The following CCDC88C variants were observed in gnomAD, a reference collection of about 807,000 sequenced individuals.
CCDC88C encodes the protein coiled-coil and HOOK domain protein 88C.
In CCDC88C, 131 loss-of-function variants were observed where a neutral mutation model predicts 198.8. The ratio of observed to expected loss-of-function variants is 0.66; its 90% CI spans 0.57 to 0.76. CCDC88C has a LOEUF of 0.76. CCDC88C is among the 30% of genes least tolerant of loss of function. The pLI, the probability that CCDC88C is intolerant of heterozygous loss-of-function variation, is 0.00. For missense variants in CCDC88C, 2,553 were observed against 2,631.6 expected (o/e 0.97, Z 0.65); for synonymous variants, 1,166 against 1,114.7 (o/e 1.05, Z -0.92).
intron 3 of CCDC88C, among the ~76,000 whole-genome samples, chr14:91,367,339 G>A (rs76767638): frequency 0.051 from 7,826 of 152,250 alleles, 670 homozygotes; most frequent in African/African-American, 0.18. Flanking sequence ...AGCAAAGAGA[G>A]CCTTCCACAC....
intron 10 of CCDC88C, among the ~76,000 whole-genome samples, chr14:91,328,743 C>A (rs1330036158): frequency 3.3e-5 from 5 of 152,190 alleles, no homozygotes; most frequent in Non-Finnish European, 7.3e-5. Context: ...TCGGATGATG[C>A]GTGTGAAATA....
At chr14:91,356,828 G>T (rs1006586598) in intron 4 of CCDC88C, among the ~76,000 whole-genome samples, 2 of 152,154 alleles carry the variant, frequency 1.3e-5, no homozygotes, top group South Asian at 2.1e-4. Context: ...TAGTGGGGCA[G>T]AGAGGGCAGG....
In CCDC88C at chr14:91,335,895, G is replaced by A. The variant is rs760355433; in HGVS notation, c.1050+2110C>T. Among the ~76,000 whole-genome samples the A allele has an allele frequency of 7.2e-5, 11 of 152,140 alleles. No homozygotes were observed. The East Asian group carries it at 1.5e-3, about 21-fold the overall frequency. On this transcript the variant is annotated intron_variant, in intron 10 of 29. Coordinates refer to ENST00000389857, the MANE Select transcript of CCDC88C (RefSeq NM_001080414.4). ...CTAATTCCTGACACTATGGGCATCC[G>A]AAGGGAGTACAGCTCACTCCTCTCA...
intron 23 of CCDC88C, among the ~76,000 whole-genome samples, chr14:91,293,772 C>T (rs894062164): frequency 9.2e-5 from 14 of 152,130 alleles, no homozygotes; most frequent in Admixed American, 3.9e-4. Flanking sequence ...TGGTTCTGTG[C>T]ACCTCACAGG....
Position 91,272,567 on chromosome 14 carries a change from G to GT in CCDC88C, c.*57dup. 6.5e-7 allele frequency: 1 copy of GT among 1,527,954 alleles called. No homozygotes were observed. The highest frequency in any genetic ancestry group is 8.8e-7 in the Non-Finnish European group (1 of 1,131,298). 94.6% of individuals were successfully genotyped at this position (1,527,954 alleles called of 1,614,324 possible). The stretch of plus-strand genomic sequence containing the variant: ...CCGCAGGCAAGCAAGAGAAAAGGCC[G>GT]TGAGAGTCGGAAGGCGCGTCAGTAG... On this transcript the variant is annotated 3_prime_UTR_variant, in exon 30 of 30. Coordinates refer to ENST00000389857, the MANE Select transcript of CCDC88C (RefSeq NM_001080414.4).
intron 3 of CCDC88C, chr14:91,384,538 T>C (rs1201249380): frequency 2.0e-6 from 1 of 505,806 alleles, no homozygotes; most frequent in Non-Finnish European, 4.0e-6. Context: ...TTCATCATAA[T>C]CATCACCCCA....
At chr14:91,283,155 G>C (rs1890267517) in intron 26 of CCDC88C, among the ~76,000 whole-genome samples, 174 bp downstream of exon 26, 2 of 152,154 alleles carry the variant, frequency 1.3e-5, no homozygotes, top group South Asian at 2.1e-4. Flanking sequence ...CAAAGTCCTT[G>C]GCTGGTAAGC....
At position 91,402,127 on chromosome 14, in the gene CCDC88C, G is replaced by A. The variant is rs568106450; in HGVS notation, c.270+6532C>T. ...TTGCTTCTACTAAAAATAAAAAAAA[G>A]TAGCCAGACGTGGTGGCGCACACCT... On this transcript the variant is annotated intron_variant, in intron 3 of 29. Transcript: ENST00000389857. Among the ~76,000 whole-genome samples the A allele has an allele frequency of 1.4e-4, 21 of 152,078 alleles. No homozygotes were observed. The East Asian group carries it at 3.5e-3, about 25-fold the overall frequency.
chr14:91,370,443 TC>T (rs1257940990), intron 3 of CCDC88C, among the ~76,000 whole-genome samples: 2 of 152,112 alleles, frequency 1.3e-5, no homozygotes, highest in Non-Finnish European at 2.9e-5. Flanking sequence ...CCTGCCACCT[TC>T]CCTTTAGGGC....
At position 91,338,798 on chromosome 14, in the gene CCDC88C, G is replaced by C. The variant is rs1309192887; in HGVS notation, c.810-228C>G. Reference sequence around the variant, plus strand: ...TTAAACTATGTCCATCCGCCACTCAGGTCTCCCTCCCTGTGTGTGGGGCAG... The same window carrying C: ...TTAAACTATGTCCATCCGCCACTCACGTCTCCCTCCCTGTGTGTGGGGCAG... On this transcript the variant is annotated intron_variant, in intron 8 of 29. Coordinates refer to ENST00000389857, the MANE Select transcript of CCDC88C (RefSeq NM_001080414.4). The surrounding 1 kb of genome is among the most constrained non-coding windows in gnomAD (Gnocchi z 4.8). The C allele has an allele frequency of 3.7e-6, 2 of 546,590 alleles. No homozygotes were observed. Among genetic ancestry groups the C allele is most frequent in the Non-Finnish European group, 6.6e-6 (2 of 303,482 alleles). The allele number at this position is 546,590 out of a possible 1,614,324, so 33.9% of individuals were successfully genotyped here. A position where few individuals can be genotyped will look rare whatever the true frequency, so the allele number is the denominator to read the frequency against.
intron 4 of CCDC88C, among the ~76,000 whole-genome samples, chr14:91,356,957 C>T (rs1894060069): frequency 1.3e-5 from 2 of 152,068 alleles, no homozygotes; most frequent in East Asian, 1.9e-4. Context: ...TGAGAAAAGG[C>T]GGGGAGAAGG....
At chr14:91,378,436 C>T (rs1301251754) in intron 3 of CCDC88C, among the ~76,000 whole-genome samples, 3 of 152,158 alleles carry the variant, frequency 2.0e-5, no homozygotes, top group South Asian at 2.1e-4. Flanking sequence ...GTCCTTGGCT[C>T]GGGACACTCA....
In CCDC88C at chr14:91,326,523, CT is replaced by C. The variant is rs1466534529; in HGVS notation, c.1051-468del. Among the ~76,000 whole-genome samples the C allele has an allele frequency of 7.9e-5, 12 of 152,140 alleles. No homozygotes were observed. The East Asian group carries it at 2.3e-3, about 29-fold the overall frequency. ...CCACTGTGCCCAGCCCATCTTCACC[CT>C]TTTTAATCGGGCAAGGACAATGGAC... On this transcript the variant is annotated intron_variant, in intron 10 of 29. Coordinates refer to ENST00000389857, the MANE Select transcript of CCDC88C (RefSeq NM_001080414.4).
chr14:91,386,982 C>T (rs1885187857), intron 3 of CCDC88C, among the ~76,000 whole-genome samples: 1 of 152,198 alleles, frequency 6.6e-6, no homozygotes, highest in African/African-American at 2.4e-5. Flanking sequence ...CAGCACCATT[C>T]TAAGTATTTT....
chr14:91,281,714 T>A (rs1273457563), intron 26 of CCDC88C, among the ~76,000 whole-genome samples, 189 bp from the exon 27 acceptor site: 1 of 152,150 alleles, frequency 6.6e-6, no homozygotes, highest in African/African-American at 2.4e-5. Flanking sequence ...GGGACAACCC[T>A]GACACTCCCG....
intron 26 of CCDC88C, 83 bp from the exon 27 acceptor site, chr14:91,281,608 G>A (rs947973618): frequency 1.2e-5 from 14 of 1,197,352 alleles, no homozygotes; most frequent in Middle Eastern, 2.4e-4. Flanking sequence ...CCTGGCACCC[G>A]GATCCCAGTA....
intron 2 of CCDC88C, 87 bp from the exon 3 acceptor site, chr14:91,408,854 C>T (rs1484223768): frequency 1.3e-5 from 11 of 838,606 alleles, no homozygotes; most frequent in Non-Finnish European, 2.0e-5. Context: ...ATCTTGTCCT[C>T]CAGTCCCTAG....
intron 3 of CCDC88C, among the ~76,000 whole-genome samples, chr14:91,383,102 T>C (rs1884904735): frequency 6.6e-6 from 1 of 152,218 alleles, no homozygotes; most frequent in African/African-American, 2.4e-5. Context: ...TCCAGCCCAG[T>C]GCCTTCCTGC....
chr14:91,285,655 G>C (rs1264095603), intron 25 of CCDC88C: 1 of 1,286,694 alleles, frequency 7.8e-7, no homozygotes. Flanking sequence ...ACAGACACAT[G>C]ATAAAGGAAA....
Sources: allele counts gnomAD v4.1 joint callset (sites outside exome capture counted in the v4.1 genomes callset), GRCh38; gene constraint gnomAD v4.1.1; non-coding constraint Gnocchi (gnomAD v3.1); transcripts MANE v1.5; gene names NCBI Gene and HGNC (gene_info 2026-07-23, HGNC 2026-07-21).